The following NALCN variants were observed in gnomAD, a reference collection of about 807,000 sequenced individuals.
The protein encoded by NALCN is sodium leak channel, non-selective, also known as sodium leak channel NALCN.
A neutral mutation model predicts 225.3 loss-of-function variants in NALCN; 111 were observed. The observed-to-expected ratio is 0.49, with a 90% CI of 0.42 to 0.58. NALCN has a LOEUF of 0.58. Ranked by LOEUF, NALCN falls within the 20% of genes least tolerant of loss-of-function variation. NALCN has a pLI of 0.00. For missense variants in NALCN, 1,378 were observed against 2,202.4 expected (o/e 0.63, Z 7.49); for synonymous variants, 764 against 769.0 (o/e 0.99, Z 0.11).
intron 19 of NALCN, 46 bp from the exon 20 acceptor site, chr13:101,110,734 G>C (rs2139645842): frequency 6.3e-7 from 1 of 1,589,102 alleles, no homozygotes; most frequent in Middle Eastern, 1.7e-4. Flanking sequence ...AGATCAAACT[G>C]GCCTTTCAAG....
intron 14 of NALCN, among the ~76,000 whole-genome samples, chr13:101,187,729 C>T (rs1215149498): frequency 3.9e-5 from 6 of 152,156 alleles, no homozygotes; most frequent in African/African-American, 7.2e-5. Flanking sequence ...AACAATGTGA[C>T]GTCTAAGTGA....
intron 34 of NALCN, among the ~76,000 whole-genome samples, chr13:101,076,489 G>C (rs765962353): frequency 6.6e-6 from 1 of 152,222 alleles, no homozygotes; most frequent in African/African-American, 2.4e-5. Context: ...GAATAAGAAA[G>C]CTTCATTTGA....
chr13:101,117,463 C>T (rs2035772814), intron 18 of NALCN, among the ~76,000 whole-genome samples: 1 of 152,234 alleles, frequency 6.6e-6, no homozygotes, highest in African/African-American at 2.4e-5. Context: ...GCTGCAGGAA[C>T]TGCATTGGCC....
chr13:101,112,530 C>T (rs536367746), intron 18 of NALCN, among the ~76,000 whole-genome samples: 1 of 152,246 alleles, frequency 6.6e-6, no homozygotes, highest in Non-Finnish European at 1.5e-5. Context: ...GACCTGTGTG[C>T]CAGAAGTTAC....
chr13:101,254,418 C>A (rs1237773739), intron 11 of NALCN, among the ~76,000 whole-genome samples: 1 of 136,910 alleles, frequency 7.3e-6, no homozygotes, highest in African/African-American at 2.7e-5. Flanking sequence ...AACAAAAAAA[C>A]CCCAAAACCT....
chr13:101,259,761 CATAA>C, intron 10 of NALCN, among the ~76,000 whole-genome samples: 1 of 62,172 alleles, frequency 1.6e-5, no homozygotes, highest in African/African-American at 3.6e-5. Flanking sequence ...TACACACACA[CATAA>C]ATATATATAT....
At chr13:101,314,543 C>G (rs80277132) in intron 7 of NALCN, among the ~76,000 whole-genome samples, 16,530 of 152,106 alleles carry the variant, frequency 0.11, 1,244 homozygotes, top group African/African-American at 0.21. Flanking sequence ...TTCTCTATCT[C>G]TAGTAAAATA....
intron 14 of NALCN, among the ~76,000 whole-genome samples, chr13:101,182,396 C>A (rs1421921924): frequency 6.6e-6 from 1 of 151,982 alleles, no homozygotes; most frequent in East Asian, 1.9e-4. Context: ...CAGGAAGGCC[C>A]AAACTTAAAG....
chr13:101,367,925 A>G (rs115084941), intron 6 of NALCN, among the ~76,000 whole-genome samples: 5,300 of 152,014 alleles, frequency 0.035, 116 homozygotes, highest in Middle Eastern at 0.051. Context: ...TCTTTTCCCT[A>G]TGATGCTCCT....
chr13:101,139,776 G>A (rs1160415672), intron 17 of NALCN, among the ~76,000 whole-genome samples: 1 of 152,146 alleles, frequency 6.6e-6, no homozygotes, highest in African/African-American at 2.4e-5. Context: ...CTGTGTTTAT[G>A]CGCTCTTGTT....
intron 13 of NALCN, 49 bp downstream of exon 13, chr13:101,229,343 AC>A: frequency 7.1e-7 from 1 of 1,408,862 alleles, no homozygotes; most frequent in Non-Finnish European, 9.5e-7. Context: ...AATCATTATT[AC>A]TAAAATAAGA....
chr13:101,320,350 G>T (rs997728809), intron 7 of NALCN, among the ~76,000 whole-genome samples: 11 of 152,088 alleles, frequency 7.2e-5, no homozygotes, highest in African/African-American at 2.7e-4. Flanking sequence ...ATTTTAAGCT[G>T]GATTTTAGAT....
At chr13:101,223,793 GC>G (rs1408700308) in intron 13 of NALCN, among the ~76,000 whole-genome samples, 1 of 152,024 alleles carries the variant, frequency 6.6e-6, no homozygotes, top group African/African-American at 2.4e-5. Context: ...GAGACCACTT[GC>G]CCCTTTTGGT....
chr13:101,161,724 T>C (rs1418197342), intron 15 of NALCN, among the ~76,000 whole-genome samples: 1 of 152,038 alleles, frequency 6.6e-6, no homozygotes, highest in Admixed American at 6.5e-5. Flanking sequence ...ATATAAAAAT[T>C]AGCCAGGAGT....
intron 10 of NALCN, among the ~76,000 whole-genome samples, chr13:101,260,534 T>C (rs1208686849): frequency 6.6e-6 from 1 of 152,228 alleles, no homozygotes; most frequent in Non-Finnish European, 1.5e-5. Context: ...CAGCATTTAT[T>C]ATTGCCTGAC....
intron 2 of NALCN, among the ~76,000 whole-genome samples, chr13:101,397,085 TATATATATATATATATATATATATAC>T (rs1240905669): frequency 8.6e-5 from 5 of 58,134 alleles, no homozygotes; most frequent in East Asian, 2.5e-3. Flanking sequence ...TATATATATA[TATATATATATATATATATATATATAC>T]ATACACATAC....
At chr13:101,266,331 A>G (rs2042596789) in intron 10 of NALCN, among the ~76,000 whole-genome samples, 1 of 152,236 alleles carries the variant, frequency 6.6e-6, no homozygotes, top group Non-Finnish European at 1.5e-5. Flanking sequence ...GTGAACATTT[A>G]TAAACTTTCA....
intron 15 of NALCN, among the ~76,000 whole-genome samples, chr13:101,168,977 C>A (rs1174288259): frequency 6.6e-6 from 1 of 152,182 alleles, no homozygotes; most frequent in Non-Finnish European, 1.5e-5. Context: ...CACTACTCAA[C>A]CTCCAGATTT....
In NALCN at chr13:101,132,265, G is replaced by GA. The variant is rs1241268337; in HGVS notation, c.2119-7585dup. Among the ~76,000 whole-genome samples, 8 of 151,860 alleles carry GA rather than the reference G, an allele frequency of 5.3e-5. No individual in the cohort carries two copies. In the East Asian group the frequency reaches 1.5e-3, roughly 29 times the overall value. The stretch of plus-strand genomic sequence containing the variant: ...ATTGGTGTTTCTTCTGTGCTTATTT[G>GA]AAAATAGTTTTAAATTTCTGAATGT... On this transcript the variant is annotated intron_variant, in intron 17 of 43. Transcript: ENST00000251127.
Sources: gnomAD v4.1 joint callset for allele counts (sites outside exome capture counted in the v4.1 genomes callset) on GRCh38, gnomAD v4.1.1 for gene constraint, MANE v1.5 for transcripts, NCBI Gene and HGNC (gene_info 2026-07-23, HGNC 2026-07-21) for gene names.